The following RNF216 variants were observed in gnomAD, a reference collection of about 807,000 sequenced individuals.
The protein encoded by RNF216 is E3 ubiquitin-protein ligase RNF216.
A neutral mutation model predicts 110.8 loss-of-function variants in RNF216; 72 were observed. That is an observed-to-expected ratio of 0.65 (90% confidence interval 0.54 to 0.79). RNF216 has a LOEUF of 0.79. Among genes scored for constraint, RNF216 ranks in the 30% least tolerant of loss-of-function variants. The probability of loss-of-function intolerance (pLI) is 0.00; values close to 1 mark genes in which losing one functional copy is unlikely to be tolerated. For synonymous variants in RNF216, 495 were observed against 407.5 expected, an observed-to-expected ratio of 1.21 and a Z score of -2.59; for missense variants, 1,342 against 1,141.2, an observed-to-expected ratio of 1.18 and a Z score of -2.54.
intron 13 of RNF216, among the ~76,000 whole-genome samples, chr7:5,688,494 T>C (rs1463569064): frequency 1.3e-5 from 2 of 152,202 alleles, no homozygotes; most frequent in African/African-American, 4.8e-5. Context: ...ATACAGAAGT[T>C]ATTATAAACA....
At chr7:5,779,846 G>C (rs1796984059) in intron 1 of RNF216, 1 of 52,442 alleles carries the variant, frequency 1.9e-5, no homozygotes, top group African/African-American at 5.8e-5. Flanking sequence ...AAAAAAAAAT[G>C]CTCAATGAAT....
At chr7:5,715,622 C>T (rs961825644) in intron 10 of RNF216, among the ~76,000 whole-genome samples, 3 of 151,922 alleles carry the variant, frequency 2.0e-5, no homozygotes, top group African/African-American at 4.8e-5. Flanking sequence ...TCGAGGTCTG[C>T]GCTTTATTTT....
chr7:5,739,021 T>G (rs998124207), intron 5 of RNF216, among the ~76,000 whole-genome samples: 1 of 152,062 alleles, frequency 6.6e-6, no homozygotes, highest in Non-Finnish European at 1.5e-5. Flanking sequence ...CAAATCCATA[T>G]AGAAAGAAAG....
intron 13 of RNF216, among the ~76,000 whole-genome samples, chr7:5,653,549 C>G (rs1395221692): frequency 7.6e-6 from 1 of 131,096 alleles, no homozygotes. Flanking sequence ...TGCAGTGAGC[C>G]GAGATCGCGC....
At chr7:5,623,256 G>A (rs1455608316) in intron 16 of RNF216, 77 bp from the exon 17 acceptor site, 22 of 1,359,350 alleles carry the variant, frequency 1.6e-5, no homozygotes, top group Admixed American at 2.3e-5. Context: ...CCAGGGCAGC[G>A]ACCTCTGGAC....
chr7:5,631,796 T>A (rs2128559731), intron 15 of RNF216, among the ~76,000 whole-genome samples: 1 of 152,316 alleles, frequency 6.6e-6, no homozygotes, highest in East Asian at 1.9e-4. Flanking sequence ...CTGGGAACAT[T>A]CTGATATCTT....
rs114106384 is a variant in RNF216 at position 5,682,237 on chromosome 7, A to C, written c.2061+29524T>G. On this transcript the variant is annotated intron_variant, in intron 13 of 16. Coordinates refer to ENST00000389902, the MANE Select transcript of RNF216 (RefSeq NM_207111.4). ...TGACTTTTTCTCAAATCTAGACTCC[A>C]AAAATCCCTATCTTGTTCTGAAATC... 8.9e-3 allele frequency among the ~76,000 whole-genome samples: 1,355 copies of C among 152,218 alleles called. 21 individuals are homozygous for C. Among genetic ancestry groups the C allele is most frequent in the African/African-American group, 0.031 (1,291 of 41,522 alleles).
chr7:5,632,907 A>G (rs1787162465), intron 15 of RNF216, among the ~76,000 whole-genome samples: 1 of 152,162 alleles, frequency 6.6e-6, no homozygotes. Context: ...TGCACCCCAA[A>G]TGCAGTGTCA....
intron 15 of RNF216, among the ~76,000 whole-genome samples, chr7:5,627,196 G>A (rs559301907): frequency 6.6e-6 from 1 of 152,282 alleles, no homozygotes; most frequent in South Asian, 2.1e-4. Context: ...ACGGCTAGTT[G>A]GCGGTAAACT....
Position 5,725,214 on chromosome 7 carries a change from C to T in RNF216, c.1504+110G>A, listed in dbSNP as rs374925637. ...TCCTGTCAGTCACTCCTTGGACTGG[C>T]CTGTCCAGATGCTCAGCAGACACCT... On this transcript the variant is annotated intron_variant, in intron 8 of 16. Transcript: ENST00000389902. 1.2e-4 allele frequency: 78 copies of T among 664,528 alleles called. No homozygotes were observed. In the African/African-American group the frequency reaches 1.3e-3, roughly 11 times the overall value. The allele number at this position is 664,528 out of a possible 1,614,324, so 41.2% of individuals were successfully genotyped here. A position where few individuals can be genotyped will look rare whatever the true frequency, so the allele number is the denominator to read the frequency against.
chr7:5,759,633 C>CTTCTTTTTTTTTTT (rs59390560), intron 2 of RNF216, among the ~76,000 whole-genome samples: 1 of 131,182 alleles, frequency 7.6e-6, no homozygotes, highest in Admixed American at 8.2e-5. Context: ...CATTTTTCTT[C>CTTCTTTTTTTTTTT]TTTTTTTTTT....
chr7:5,709,759 A>T (rs897403678), intron 13 of RNF216, among the ~76,000 whole-genome samples: 4 of 151,690 alleles, frequency 2.6e-5, no homozygotes, highest in Non-Finnish European at 4.4e-5. Flanking sequence ...TATTTTTTAA[A>T]TTTTTTTCTT....
rs539791977 is a variant in RNF216, at chr7:5,678,441, G to C, written c.2062-25931C>G. Among the ~76,000 whole-genome samples the C allele has an allele frequency of 2.6e-5, 4 of 152,282 alleles. No homozygotes were observed. The East Asian group carries it at 7.7e-4, about 29-fold the overall frequency. ...ACGTTACCACCTCCCCAAGCGCAGAGAAAAATGAGATTCAGAGATTCATGC... is the reference window on the plus strand; with the variant it reads ...ACGTTACCACCTCCCCAAGCGCAGACAAAAATGAGATTCAGAGATTCATGC... On this transcript the variant is annotated intron_variant, in intron 13 of 16. Transcript: ENST00000389902.
intron 13 of RNF216, among the ~76,000 whole-genome samples, chr7:5,687,262 G>A (rs529199921): frequency 4.4e-4 from 67 of 152,066 alleles, no homozygotes; most frequent in Non-Finnish European, 7.9e-4. Context: ...TGGGCATGGT[G>A]GCGGGCGCCT....
At chr7:5,671,979 G>A (rs1789949562) in intron 13 of RNF216, among the ~76,000 whole-genome samples, 1 of 152,134 alleles carries the variant, frequency 6.6e-6, no homozygotes, top group Non-Finnish European at 1.5e-5. Flanking sequence ...AAAACTGTAG[G>A]AAAACTGACA....
At chr7:5,715,249 T>C (rs1792973547) in intron 10 of RNF216, 59 bp from the exon 11 acceptor site, 2 of 1,546,750 alleles carry the variant, frequency 1.3e-6, no homozygotes, top group South Asian at 1.2e-5. Context: ...GGGGGAGCCT[T>C]GTCTCCCATC....
intron 7 of RNF216, among the ~76,000 whole-genome samples, chr7:5,727,492 G>T (rs7778761): frequency 0.11 from 17,170 of 152,166 alleles, 2,356 homozygotes; most frequent in African/African-American, 0.33. Context: ...TTTAGGAGGT[G>T]GAGGTGGGAG....
chr7:5,682,085 G>A (rs1191235034), intron 13 of RNF216, among the ~76,000 whole-genome samples: 1 of 152,224 alleles, frequency 6.6e-6, no homozygotes, highest in African/African-American at 2.4e-5. Context: ...TTGCAGACCT[G>A]TCCACTCAGC....
chr7:5,651,710 G>A (rs1412040007), intron 14 of RNF216, among the ~76,000 whole-genome samples: 4 of 151,628 alleles, frequency 2.6e-5, no homozygotes, highest in East Asian at 1.9e-4. Context: ...GTGCACTGGC[G>A]CAATCTTGGC....
Sources: gnomAD v4.1 joint callset for allele counts (sites outside exome capture counted in the v4.1 genomes callset) on GRCh38, gnomAD v4.1.1 for gene constraint, MANE v1.5 for transcripts, NCBI Gene and HGNC (gene_info 2026-07-23, HGNC 2026-07-21) for gene names.